Variants in RELN observed in about 807,000 individuals in gnomAD.
RELN encodes the protein reelin.
A neutral mutation model predicts 427.6 loss-of-function variants in RELN; 108 were observed. The ratio of observed to expected loss-of-function variants is 0.25; its 90% confidence interval spans 0.22 to 0.30. The LOEUF is 0.30. Among genes scored for constraint, RELN ranks in the 10% least tolerant of loss-of-function variants. RELN has a pLI of 1.00. For synonymous variants in RELN, 1,524 were observed against 1,513.4 expected (o/e 1.01, Z -0.16); for missense variants, 3,715 against 4,302.8 (o/e 0.86, Z 3.82).
intron 1 of RELN, 21 bp from the exon 2 acceptor site, chr7:103,917,206 A>G (rs765804826): frequency 4.3e-5 from 67 of 1,567,422 alleles, no homozygotes; most frequent in South Asian, 2.4e-4. Context: ...AGAAAGAAAA[A>G]AAAAACTCTC....
chr7:103,954,077 C>G (rs896035575), intron 1 of RELN, among the ~76,000 whole-genome samples: 1 of 151,914 alleles, frequency 6.6e-6, no homozygotes, highest in Non-Finnish European at 1.5e-5. Context: ...GAGCAAAACC[C>G]TGTCTCTACT....
chr7:103,511,998 T>TG (rs1829435059), intron 50 of RELN, among the ~76,000 whole-genome samples: 1 of 152,214 alleles, frequency 6.6e-6, no homozygotes, highest in Non-Finnish European at 1.5e-5. Context: ...TAGTTTTTGT[T>TG]GGGGGGTTGC....
At chr7:103,960,627 G>A (rs917462154) in intron 1 of RELN, among the ~76,000 whole-genome samples, 2 of 152,090 alleles carry the variant, frequency 1.3e-5, no homozygotes, top group Non-Finnish European at 2.9e-5. Context: ...AATCAGAATG[G>A]TTCCCAAAGC....
intron 1 of RELN, among the ~76,000 whole-genome samples, chr7:103,964,337 T>C (rs6976337): frequency 0.52 from 79,243 of 151,924 alleles, 20,828 homozygotes; most frequent in African/African-American, 0.59. Context: ...TTCCTAATAG[T>C]GATCTGAAAA....
At chr7:103,866,742 C>A (rs1200528918) in intron 2 of RELN, among the ~76,000 whole-genome samples, 1 of 151,858 alleles carries the variant, frequency 6.6e-6, no homozygotes, top group African/African-American at 2.4e-5. Context: ...TATAAACATA[C>A]CCCAAATTAG....
chr7:103,708,550 G>A (rs963942752), intron 8 of RELN, among the ~76,000 whole-genome samples: 3 of 142,842 alleles, frequency 2.1e-5, no homozygotes, highest in East Asian at 2.1e-4. Flanking sequence ...TGCAAGATCC[G>A]CCTCCCGGGT....
intron 28 of RELN, among the ~76,000 whole-genome samples, chr7:103,578,605 G>C (rs1831057051): frequency 6.6e-6 from 1 of 152,098 alleles, no homozygotes; most frequent in African/African-American, 2.4e-5. Flanking sequence ...CTGCTACTCT[G>C]TTCTCTTCTC....
At chr7:103,964,717 T>C (rs886964245) in intron 1 of RELN, among the ~76,000 whole-genome samples, 2 of 152,254 alleles carry the variant, frequency 1.3e-5, no homozygotes, top group African/African-American at 4.8e-5. Flanking sequence ...CATTCATGTT[T>C]ATGCATAGTT....
chr7:103,652,307 A>G (rs1192644401), intron 14 of RELN, among the ~76,000 whole-genome samples: 1 of 151,030 alleles, frequency 6.6e-6, no homozygotes, highest in Non-Finnish European at 1.5e-5. Flanking sequence ...GCCACAGCAC[A>G]TGCAAACACC....
intron 20 of RELN, among the ~76,000 whole-genome samples, chr7:103,618,139 C>T (rs1289259153): frequency 6.6e-6 from 1 of 152,208 alleles, no homozygotes; most frequent in African/African-American, 2.4e-5. Flanking sequence ...AGACAATTAC[C>T]TTCTTAATTT....
At chr7:103,815,245 A>G (rs1179712363) in intron 3 of RELN, among the ~76,000 whole-genome samples, 2 of 152,216 alleles carry the variant, frequency 1.3e-5, no homozygotes, top group African/African-American at 4.8e-5. Context: ...AAATTCAGCT[A>G]TCAGCCATAT....
At chr7:103,791,188 G>T (rs947574015) in intron 3 of RELN, among the ~76,000 whole-genome samples, 1 of 152,072 alleles carries the variant, frequency 6.6e-6, no homozygotes, top group Non-Finnish European at 1.5e-5. Flanking sequence ...CTACCTAAAT[G>T]GATCTACAGA....
At chr7:103,964,816 G>A (rs1240037207) in intron 1 of RELN, among the ~76,000 whole-genome samples, 1 of 152,184 alleles carries the variant, frequency 6.6e-6, no homozygotes, top group African/African-American at 2.4e-5. Flanking sequence ...TGTTGAGTGA[G>A]ACCACTTTGA....
chr7:103,485,646 C>T (rs775106592), intron 61 of RELN, among the ~76,000 whole-genome samples: 1 of 152,158 alleles, frequency 6.6e-6, no homozygotes, highest in Non-Finnish European at 1.5e-5. Flanking sequence ...AGTCACTTCC[C>T]TAGTCCATTT....
chr7:103,822,635 C>CAATTGAAATA (rs1398617439), intron 3 of RELN, among the ~76,000 whole-genome samples: 1 of 51,460 alleles, frequency 1.9e-5, no homozygotes, highest in African/African-American at 5.5e-5. Flanking sequence ...ATTACTTTGG[C>CAATTGAAATA]CGGGCGCGGT....
Position 103,472,554 on chromosome 7 carries a change from G to T in RELN, c.*258C>A. ...TAAACTGTTTCTTATTGTCAATACT[G>T]CCACTGTAACTGATATTACAACAGA... On this transcript the variant is annotated 3_prime_UTR_variant, in exon 65 of 65. Transcript: ENST00000428762. The T allele has an allele frequency of 2.2e-6, 1 of 448,140 alleles. No individual in the cohort carries two copies. Among genetic ancestry groups the T allele is most frequent in the Non-Finnish European group, 4.1e-6 (1 of 244,982 alleles). The allele number at this position is 448,140 out of a possible 1,614,324, so 27.8% of individuals were successfully genotyped here. A position where few individuals can be genotyped will look rare whatever the true frequency, so the allele number is the denominator to read the frequency against.
At chr7:103,549,750 T>C (rs362777) in intron 41 of RELN, among the ~76,000 whole-genome samples, 22,757 of 152,238 alleles carry the variant, frequency 0.15, 2,099 homozygotes, top group African/African-American at 0.26. Flanking sequence ...GTCCATGCCA[T>C]TCCCCAGTAT....
rs139737822 is a variant in RELN at position 103,626,679 on chromosome 7, C to T, written c.2702+3261G>A. On this transcript the variant is annotated intron_variant, in intron 20 of 64. Transcript: ENST00000428762. The surrounding 1 kb of genome is among the most constrained non-coding windows in gnomAD (Gnocchi z 4.4). ...TAAAACCCAAACTCTATATTTAATA[C>T]GACAGCAATTTCCTTCAAACCTGTT... Among the ~76,000 whole-genome samples the T allele has an allele frequency of 5.0e-3, 767 of 152,170 alleles. 21 individuals carry two copies. Among genetic ancestry groups the T allele is most frequent in the East Asian group, 0.016 (82 of 5,182 alleles).
Position 103,503,199 on chromosome 7 carries a change from A to G in RELN, c.8306T>C (p.Ile2769Thr), listed in dbSNP as rs997515801. 2 of 1,614,152 alleles carry G rather than the reference A, an allele frequency of 1.2e-6. No individual in the cohort carries two copies. Among genetic ancestry groups the G allele is most frequent in the Non-Finnish European group, 1.7e-6 (2 of 1,180,018 alleles). Residue 2769 changes from isoleucine to threonine, a missense_variant, in exon 52 of 65, where the codon ATT becomes ACT. Around this residue, in one of 4 missense-constraint regions of RELN, gnomAD observed 1,310 missense variants for 1,643.0 expected, o/e 0.80. Coordinates refer to ENST00000428762, the MANE Select transcript of RELN (RefSeq NM_005045.4). ...CTGCACATGAATTTGATTCTGGGCA[A>G]TTTTTTCAGACACCTTACATCCAAC... ...ISVGCKVSEK[I>T]AQNQIHVQYS...
Sources: gnomAD v4.1 joint callset for allele counts (sites outside exome capture counted in the v4.1 genomes callset) on GRCh38, gnomAD v4.1.1 for gene constraint, gnomAD v4.1.1 regional missense constraint, Gnocchi (gnomAD v3.1) non-coding constraint, MANE v1.5 for transcripts, NCBI Gene and HGNC (gene_info 2026-07-23, HGNC 2026-07-21) for gene names.